MATR3: variants seen among roughly 807,000 people sequenced by gnomAD.
MATR3 encodes the protein matrin-3.
Under a neutral mutation model 85.5 loss-of-function variants are expected in MATR3, and 4 were observed. That is an observed-to-expected ratio of 0.05 (90% confidence interval 0.02 to 0.11). MATR3 has a LOEUF of 0.11. Among genes scored for constraint, MATR3 ranks in the 10% least tolerant of loss-of-function variants. The pLI, the probability that MATR3 is intolerant of heterozygous loss-of-function variation, is 1.00. For missense variants in MATR3, 685 were observed against 1,016.1 expected (o/e 0.67, Z 4.43); for synonymous variants, 336 against 343.1 (o/e 0.98, Z 0.23).
intron 2 of MATR3, chr5:139,311,645 A>G (rs1754978902): frequency 6.6e-6 from 1 of 150,954 alleles, no homozygotes; most frequent in South Asian, 2.1e-4. Flanking sequence ...GCGTAGTAGG[A>G]TAACATTTAT....
At chr5:139,297,670 G>T (rs1259346065) in intron 1 of MATR3, among the ~76,000 whole-genome samples, 2 of 152,260 alleles carry the variant, frequency 1.3e-5, no homozygotes, top group Middle Eastern at 3.4e-3. Flanking sequence ...GATGGAGTGC[G>T]GAGTGCCTTT....
At chr5:139,287,838 C>G (rs1753752768) in intron 3 of MATR3, among the ~76,000 whole-genome samples, 2 of 152,130 alleles carry the variant, frequency 1.3e-5, no homozygotes, top group Non-Finnish European at 2.9e-5. Context: ...AAACCAAGAT[C>G]CTAAGGGCTG....
At chr5:139,282,149 A>G (rs186445826) in intron 3 of MATR3, among the ~76,000 whole-genome samples, 34 of 152,358 alleles carry the variant, frequency 2.2e-4, no homozygotes, top group Non-Finnish European at 3.8e-4. Context: ...ACTTAAAAAG[A>G]GTGACAATGA....
intron 14 of MATR3, among the ~76,000 whole-genome samples, chr5:139,329,065 C>G (rs1170869337): frequency 6.6e-6 from 1 of 151,986 alleles, no homozygotes; most frequent in Non-Finnish European, 1.5e-5. Context: ...AGTGTCAGTT[C>G]AGTGTGACTG....
At chr5:139,316,948 T>A (rs904613922) in intron 5 of MATR3, 105 bp from the exon 6 acceptor site, 1 of 844,660 alleles carries the variant, frequency 1.2e-6, no homozygotes, top group African/African-American at 1.7e-5. Context: ...CATATATTTG[T>A]AAGAGCTTTT....
chr5:139,320,599 T>A (rs1164960043), intron 9 of MATR3, among the ~76,000 whole-genome samples: 1 of 152,096 alleles, frequency 6.6e-6, no homozygotes, highest in East Asian at 1.9e-4. Context: ...TGAGACCCTG[T>A]CTCAAAAAGG....
At chr5:139,312,672 T>C (rs1755051006) in intron 2 of MATR3, 1 of 152,116 alleles carries the variant, frequency 6.6e-6, no homozygotes, top group African/African-American at 2.4e-5. Context: ...TTATTTATTT[T>C]TGAGACAGTT....
At chr5:139,321,732 A>G in intron 9 of MATR3, 166 bp from the exon 10 acceptor site, 2 of 684,378 alleles carry the variant, frequency 2.9e-6, no homozygotes, top group Middle Eastern at 4.1e-4. Context: ...TCAGCAAGCC[A>G]GGATTGCGCC....
At chr5:139,280,410 T>C (rs1354933055) in intron 3 of MATR3, among the ~76,000 whole-genome samples, 1 of 152,252 alleles carries the variant, frequency 6.6e-6, no homozygotes, top group Non-Finnish European at 1.5e-5. Flanking sequence ...TGTGTCTTTC[T>C]GAAAAGTTTA....
In MATR3 at chr5:139,311,849, C is replaced by A. The variant is rs1754999973; in HGVS notation, c.913-2826C>A. 5 of 134,860 alleles carry A rather than the reference C, an allele frequency of 3.7e-5. No individual in the cohort carries two copies. In the South Asian group the frequency reaches 1.2e-3, roughly 33 times the overall value. The allele number at this position is 134,860 out of a possible 1,614,324, so 8.4% of individuals were successfully genotyped here. On this transcript the variant is annotated intron_variant, in intron 2 of 14. Coordinates refer to ENST00000394805, the MANE Select transcript of MATR3 (RefSeq NM_018834.6). ...GTGGCGTGATCTTGGCTCACTGCAT[C>A]CTCTGCCTTTCGGGTTCAAGCAATT...
intron 2 of MATR3, chr5:139,313,773 AGCC>A (rs1755113055): frequency 6.6e-6 from 1 of 152,220 alleles, no homozygotes. Flanking sequence ...TTTCTAGAAA[AGCC>A]ATTCCTGTTG....
At chr5:139,319,093 A>G in intron 8 of MATR3, 60 bp downstream of exon 8, 2 of 1,549,462 alleles carry the variant, frequency 1.3e-6, no homozygotes, top group Non-Finnish European at 1.8e-6. Flanking sequence ...ATAGTTATTA[A>G]CTGTGGTTAT....
intron 3 of MATR3, among the ~76,000 whole-genome samples, chr5:139,285,480 A>G (rs1312702853): frequency 6.6e-6 from 1 of 152,190 alleles, no homozygotes; most frequent in African/African-American, 2.4e-5. Flanking sequence ...GTGGGCCAGA[A>G]TAAGAATTTC....
chr5:139,326,313 G>T, intron 14 of MATR3, 29 bp downstream of exon 14: 3 of 1,611,540 alleles, frequency 1.9e-6, no homozygotes, highest in Non-Finnish European at 2.5e-6. Context: ...CAGTTCTTTT[G>T]TGAAAACTTA....
chr5:139,275,932 A>G (rs573638395), intron 1 of MATR3, among the ~76,000 whole-genome samples: 23 of 152,318 alleles, frequency 1.5e-4, no homozygotes, highest in East Asian at 1.9e-4. Flanking sequence ...CTCTTTTGCT[A>G]CTATTGAACT....
rs761898506 is a variant in MATR3, at chr5:139,331,643, T to A, written c.*2248T>A. 1 of 448,578 alleles carries A rather than the reference T, an allele frequency of 2.2e-6. No homozygotes were observed. The highest frequency in any genetic ancestry group is 1.6e-5 in the South Asian group (1 of 62,988). 27.8% of individuals were successfully genotyped at this position (448,578 alleles called of 1,614,324 possible). On this transcript the variant is annotated 3_prime_UTR_variant, in exon 15 of 15. Transcript: ENST00000394805. ...CCCTTAGTTTAATCTTACATTATCCTACAAAAGTGAATGAAACTTCTAGAA... is the reference window on the plus strand; with the variant it reads ...CCCTTAGTTTAATCTTACATTATCCAACAAAAGTGAATGAAACTTCTAGAA...
intron 7 of MATR3, 106 bp downstream of exon 7, chr5:139,317,827 A>G: frequency 1.8e-6 from 2 of 1,120,662 alleles, no homozygotes; most frequent in Non-Finnish European, 2.6e-6. Flanking sequence ...AGGTAATCTT[A>G]AGTTTATCAA....
intron 2 of MATR3, chr5:139,311,579 G>A (rs1211260557): frequency 6.6e-6 from 1 of 151,860 alleles, no homozygotes; most frequent in Non-Finnish European, 1.5e-5. Context: ...GTGGAGGATT[G>A]GATATAATTT....
At chr5:139,299,624 C>T (rs1217287731) in intron 1 of MATR3, among the ~76,000 whole-genome samples, 1 of 152,176 alleles carries the variant, frequency 6.6e-6, no homozygotes, top group Non-Finnish European at 1.5e-5. Flanking sequence ...AAGATTGTGC[C>T]ACTGCACTGG....
Sources: gnomAD v4.1 joint callset for allele counts (sites outside exome capture counted in the v4.1 genomes callset) on GRCh38, gnomAD v4.1.1 for gene constraint, MANE v1.5 for transcripts, NCBI Gene and HGNC (gene_info 2026-07-23, HGNC 2026-07-21) for gene names.